CNBD1: variants seen among roughly 807,000 people sequenced by gnomAD.
CNBD1 encodes cyclic nucleotide binding domain containing 1, also known as cyclic nucleotide-binding domain-containing protein 1.
A neutral mutation model predicts 54.4 loss-of-function variants in CNBD1; 71 were observed. The observed-to-expected ratio is 1.30, with a 90% confidence interval of 1.08 to 1.59. CNBD1 has a LOEUF of 1.59. Among genes scored for constraint, CNBD1 ranks in the 40% most tolerant of loss-of-function variants. The pLI is 0.00. For synonymous variants in CNBD1, 182 were observed against 170.7 expected (o/e 1.07, Z -0.51); for missense variants, 659 against 518.0 (o/e 1.27, Z -2.64).
At chr8:87,305,218 A>G (rs1469209987) in intron 8 of CNBD1, among the ~76,000 whole-genome samples, 2 of 152,288 alleles carry the variant, frequency 1.3e-5, no homozygotes, top group East Asian at 1.9e-4. Flanking sequence ...AAAGACCTCT[A>G]CAAGGAAAAC....
intron 4 of CNBD1, among the ~76,000 whole-genome samples, chr8:86,985,319 G>A (rs1808582358): frequency 6.6e-6 from 1 of 152,002 alleles, no homozygotes; most frequent in Non-Finnish European, 1.5e-5. Context: ...ATTAAGGTTT[G>A]GGTTATTGAT....
chr8:87,208,611 A>T (rs1814028306), intron 5 of CNBD1, among the ~76,000 whole-genome samples: 1 of 152,080 alleles, frequency 6.6e-6, no homozygotes, highest in Non-Finnish European at 1.5e-5. Context: ...AAACTAAAAG[A>T]ATTGCCAGTT....
intron 6 of CNBD1, among the ~76,000 whole-genome samples, chr8:87,275,143 T>A (rs1317291958): frequency 7.1e-6 from 1 of 140,930 alleles, no homozygotes; most frequent in Non-Finnish European, 1.5e-5. Flanking sequence ...ATGTCTGTTT[T>A]GGTACCAGTA....
chr8:87,388,907 C>A (rs545408832), intron 2 of CNBD1, among the ~76,000 whole-genome samples: 13 of 152,150 alleles, frequency 8.5e-5, no homozygotes, highest in Non-Finnish European at 1.8e-4. Context: ...CCAACATGAT[C>A]AAGTGGGCTT....
intron 4 of CNBD1, among the ~76,000 whole-genome samples, chr8:86,994,859 G>A (rs932287075): frequency 2.0e-5 from 3 of 152,136 alleles, no homozygotes; most frequent in African/African-American, 7.2e-5. Flanking sequence ...TAAGTGCCAT[G>A]AATAAAATAA....
At chr8:87,049,422 A>T (rs1256046221) in intron 4 of CNBD1, among the ~76,000 whole-genome samples, 1 of 152,140 alleles carries the variant, frequency 6.6e-6, no homozygotes, top group Non-Finnish European at 1.5e-5. Context: ...GCTTTATTTG[A>T]GCATCCTTCT....
intron 5 of CNBD1, among the ~76,000 whole-genome samples, chr8:87,208,012 A>G (rs916856370): frequency 6.6e-6 from 1 of 152,150 alleles, no homozygotes; most frequent in Admixed American, 6.6e-5. Flanking sequence ...AAAAGGCCCA[A>G]CTAGGTGTCT....
intron 1 of CNBD1, among the ~76,000 whole-genome samples, chr8:86,871,135 A>G (rs955264706): frequency 2.0e-5 from 3 of 152,218 alleles, no homozygotes; most frequent in African/African-American, 4.8e-5. Context: ...AAATTAAGCT[A>G]TGGGAACTTA....
chr8:87,378,015 G>C (rs1810988153), intron 10 of CNBD1, among the ~76,000 whole-genome samples: 1 of 133,664 alleles, frequency 7.5e-6, no homozygotes, highest in Non-Finnish European at 1.6e-5. Flanking sequence ...TTTTTTTCTT[G>C]TAAATTTGTT....
chr8:87,019,176 A>G (rs1809430659), intron 4 of CNBD1, among the ~76,000 whole-genome samples: 1 of 152,234 alleles, frequency 6.6e-6, no homozygotes, highest in South Asian at 2.1e-4. Flanking sequence ...AGCTCAACAC[A>G]TAAAAGTTAA....
intron 6 of CNBD1, among the ~76,000 whole-genome samples, chr8:87,243,549 C>T (rs114241131): frequency 6.6e-6 from 1 of 152,166 alleles, no homozygotes; most frequent in Non-Finnish European, 1.5e-5. Context: ...ACATTCTTCA[C>T]AGATTCATTC....
intron 2 of CNBD1, among the ~76,000 whole-genome samples, chr8:87,421,328 G>A (rs1174657630): frequency 6.6e-6 from 1 of 150,732 alleles, no homozygotes; most frequent in Middle Eastern, 3.4e-3. Context: ...CATTGTGCAG[G>A]TTAGTTACAT....
At chr8:86,881,552 A>G (rs1336176003) in intron 1 of CNBD1, among the ~76,000 whole-genome samples, 1 of 152,234 alleles carries the variant, frequency 6.6e-6, no homozygotes, top group Admixed American at 6.5e-5. Context: ...TTCCATGCTC[A>G]TAGATAGGAC....
chr8:86,890,871 G>A (rs1808758153), intron 2 of CNBD1, among the ~76,000 whole-genome samples: 1 of 150,708 alleles, frequency 6.6e-6, no homozygotes, highest in Non-Finnish European at 1.5e-5. Flanking sequence ...TTTTTTTCAT[G>A]AACACATTGG....
At chr8:87,362,290 A>G (rs972894526) in intron 10 of CNBD1, among the ~76,000 whole-genome samples, 2 of 152,082 alleles carry the variant, frequency 1.3e-5, no homozygotes, top group Non-Finnish European at 2.9e-5. Context: ...CATATTGCCA[A>G]GAATGCTTGA....
intron 10 of CNBD1, 71 bp from the exon 11 acceptor site, chr8:87,382,549 C>T: frequency 8.0e-7 from 1 of 1,257,360 alleles, no homozygotes; most frequent in Non-Finnish European, 1.1e-6. Flanking sequence ...GGGTTCTATT[C>T]TGTAGGAAAA....
chr8:87,376,577 T>G (rs1393734640), intron 10 of CNBD1, among the ~76,000 whole-genome samples: 2 of 151,962 alleles, frequency 1.3e-5, no homozygotes. Flanking sequence ...AGCAACATGC[T>G]TCGCACACAT....
intron 10 of CNBD1, among the ~76,000 whole-genome samples, chr8:87,373,627 CT>C (rs1243578488): frequency 2.0e-5 from 3 of 151,690 alleles, no homozygotes; most frequent in Non-Finnish European, 4.4e-5. Context: ...CTCCAAAAGT[CT>C]AATTGTCTGT....
At chr8:86,928,997 C>T (rs760459016) in intron 3 of CNBD1, among the ~76,000 whole-genome samples, 1 of 152,154 alleles carries the variant, frequency 6.6e-6, no homozygotes, top group African/African-American at 2.4e-5. Context: ...CTTTTTCAGT[C>T]GGGAAATACT....
Sources: allele counts gnomAD v4.1 joint callset (sites outside exome capture counted in the v4.1 genomes callset), GRCh38; gene constraint gnomAD v4.1.1; transcripts MANE v1.5; gene names NCBI Gene and HGNC (gene_info 2026-07-23, HGNC 2026-07-21).